PIP5K1B: variants seen among roughly 807,000 people sequenced by gnomAD.
PIP5K1B encodes the protein phosphatidylinositol 4-phosphate 5-kinase type-1 beta.
Under a neutral mutation model 67.0 loss-of-function variants are expected in PIP5K1B, and 42 were observed. The ratio of observed to expected loss-of-function variants is 0.63; its 90% CI spans 0.49 to 0.81. PIP5K1B has a LOEUF of 0.81. PIP5K1B is among the 30% of genes least tolerant of loss of function. The pLI is 0.00. For missense variants in PIP5K1B, 459 were observed against 646.3 expected (o/e 0.71, Z 3.14); for synonymous variants, 214 against 231.4 (o/e 0.92, Z 0.68).
intron 14 of PIP5K1B, among the ~76,000 whole-genome samples, chr9:68,948,619 T>C (rs1483419643): frequency 7.0e-6 from 1 of 143,026 alleles, no homozygotes; most frequent in Admixed American, 7.4e-5. Context: ...CACTCCAGCC[T>C]GGGCAACAGA....
rs547071765 is a variant in PIP5K1B, at chr9:68,809,887, A to G, written c.-85-8574A>G. On this transcript the variant is annotated intron_variant, in intron 2 of 15. Coordinates refer to ENST00000265382, the MANE Select transcript of PIP5K1B (RefSeq NM_003558.4). ...CACTGCAATGCCTGTCTCTCCTGCT[A>G]ATAGGATTCCTTTGAAGACGAGTAC... 3.9e-5 allele frequency among the ~76,000 whole-genome samples: 6 copies of G among 152,298 alleles called. 1 individual carries two copies. The highest frequency in any genetic ancestry group is 1.4e-4 in the African/African-American group (6 of 41,574).
intron 6 of PIP5K1B, among the ~76,000 whole-genome samples, chr9:68,877,891 A>G (rs1250112259): frequency 6.6e-6 from 1 of 152,188 alleles, no homozygotes; most frequent in East Asian, 1.9e-4. Flanking sequence ...GAAAGTCCCT[A>G]GCATACTGCT....
intron 2 of PIP5K1B, among the ~76,000 whole-genome samples, chr9:68,812,716 A>C (rs1317208014): frequency 6.6e-6 from 1 of 152,248 alleles, no homozygotes; most frequent in East Asian, 1.9e-4. Flanking sequence ...AAGACTGGTT[A>C]GGAGAAATAA....
At chr9:68,983,929 G>A (rs1271204252) in intron 14 of PIP5K1B, among the ~76,000 whole-genome samples, 2 of 152,170 alleles carry the variant, frequency 1.3e-5, no homozygotes, top group Non-Finnish European at 2.9e-5. Context: ...GGTGGCACAT[G>A]CCTTTAGTCC....
Position 68,806,573 on chromosome 9 carries a change from C to T in PIP5K1B, c.-85-11888C>T, listed in dbSNP as rs111414546. ...AATTTGTCACATTCATGGCTGTCTC[C>T]CAGGGCCATCTAGCCCGCCGCTAAT... On this transcript the variant is annotated intron_variant, in intron 2 of 15. Coordinates refer to ENST00000265382, the MANE Select transcript of PIP5K1B (RefSeq NM_003558.4). Among the ~76,000 whole-genome samples, 604 of 152,324 alleles carry T rather than the reference C, an allele frequency of 4.0e-3. 3 individuals are homozygous for T. Among genetic ancestry groups the T allele is most frequent in the African/African-American group, 0.013 (555 of 41,568 alleles).
chr9:68,738,442 T>A (rs1364410945), intron 1 of PIP5K1B, among the ~76,000 whole-genome samples: 2 of 152,206 alleles, frequency 1.3e-5, no homozygotes, highest in African/African-American at 4.8e-5. Flanking sequence ...GAGAGCATGC[T>A]ATAATAAAGA....
chr9:68,941,624 G>C (rs1420053270), intron 14 of PIP5K1B, among the ~76,000 whole-genome samples: 2 of 152,146 alleles, frequency 1.3e-5, no homozygotes, highest in Non-Finnish European at 2.9e-5. Flanking sequence ...ACAATTATCT[G>C]TTAAATGTTA....
At chr9:68,906,325 A>G (rs1474420042) in intron 8 of PIP5K1B, among the ~76,000 whole-genome samples, 2 of 152,148 alleles carry the variant, frequency 1.3e-5, no homozygotes, top group African/African-American at 4.8e-5. Context: ...GGCCAAATTT[A>G]GTGTTTTGAT....
chr9:68,742,746 T>C (rs1468826033), intron 2 of PIP5K1B, 89 bp downstream of exon 2: 1 of 152,274 alleles, frequency 6.6e-6, no homozygotes, highest in Non-Finnish European at 1.5e-5. Flanking sequence ...AATACCATGC[T>C]GGATCTTTGC....
At chr9:68,945,880 A>C (rs1172971469) in intron 14 of PIP5K1B, among the ~76,000 whole-genome samples, 1 of 152,232 alleles carries the variant, frequency 6.6e-6, no homozygotes, top group Non-Finnish European at 1.5e-5. Flanking sequence ...TCTCGTCTTC[A>C]TCTTTTTGCC....
chr9:68,982,874 T>C (rs1212276382), intron 14 of PIP5K1B, among the ~76,000 whole-genome samples: 1 of 152,192 alleles, frequency 6.6e-6, no homozygotes, highest in Admixed American at 6.5e-5. Flanking sequence ...CGTTATCTCC[T>C]TACTCTTTTG....
intron 11 of PIP5K1B, among the ~76,000 whole-genome samples, chr9:68,922,591 CAT>C (rs1826464586): frequency 1.3e-5 from 2 of 151,894 alleles, no homozygotes; most frequent in African/African-American, 4.8e-5. Context: ...ACTAAATAAA[CAT>C]AGAAAAGTAG....
chr9:68,991,203 G>C lies in PIP5K1B; in HGVS notation c.1566G>C (p.Glu522Asp), dbSNP rs1160713622. 1 of 1,612,752 alleles carries C rather than the reference G, an allele frequency of 6.2e-7. No individual in the cohort carries two copies. The change falls in exon 15 of 16, where the codon GAG (glutamate) becomes GAC (aspartate). Residue 522 changes from glutamate to aspartate, a missense_variant. This residue lies in a region of PIP5K1B where 169 missense variants were observed against 171.9 expected (regional missense o/e 0.98). Coordinates refer to ENST00000265382, the MANE Select transcript of PIP5K1B (RefSeq NM_003558.4). ...AGGGGACCATCTACTTGACCGCTGA[G>C]CCCAACACTCTGGAAGTGCAGGATG... ...LEEGTIYLTA[E>D]PNTLEVQDDN...
chr9:68,751,383 C>T (rs1191376656), intron 2 of PIP5K1B, among the ~76,000 whole-genome samples: 1 of 152,214 alleles, frequency 6.6e-6, no homozygotes, highest in Non-Finnish European at 1.5e-5. Context: ...ACATTTCTTG[C>T]ATAAACCTTG....
At chr9:68,928,835 A>G (rs1000002117) in intron 12 of PIP5K1B, among the ~76,000 whole-genome samples, 1 of 152,056 alleles carries the variant, frequency 6.6e-6, no homozygotes, top group Non-Finnish European at 1.5e-5. Flanking sequence ...GTCCTATGCT[A>G]TAGGTTTTAC....
intron 8 of PIP5K1B, among the ~76,000 whole-genome samples, chr9:68,916,514 C>T (rs1826100222): frequency 2.0e-5 from 3 of 152,134 alleles, no homozygotes; most frequent in Admixed American, 6.6e-5. Flanking sequence ...ACATGAAGTA[C>T]TATGCTTTGT....
chr9:68,914,420 A>C (rs914534075), intron 8 of PIP5K1B, among the ~76,000 whole-genome samples: 1 of 152,160 alleles, frequency 6.6e-6, no homozygotes, highest in African/African-American at 2.4e-5. Context: ...TGTTTTTGCC[A>C]ATTGAAAATT....
At chr9:68,913,163 T>G (rs1412899244) in intron 8 of PIP5K1B, among the ~76,000 whole-genome samples, 2 of 152,254 alleles carry the variant, frequency 1.3e-5, no homozygotes, top group Non-Finnish European at 2.9e-5. Context: ...GTATTCCAAC[T>G]TGCTTTCAGT....
At chr9:68,825,328 G>A (rs1833926087) in intron 4 of PIP5K1B, among the ~76,000 whole-genome samples, 1 of 152,158 alleles carries the variant, frequency 6.6e-6, no homozygotes, top group Non-Finnish European at 1.5e-5. Context: ...TGGACTGATG[G>A]TCTCGAAAAC....
Sources: allele counts gnomAD v4.1 joint callset (sites outside exome capture counted in the v4.1 genomes callset), GRCh38; gene constraint gnomAD v4.1.1; regional missense constraint gnomAD v4.1.1; transcripts MANE v1.5; gene names NCBI Gene and HGNC (gene_info 2026-07-23, HGNC 2026-07-21).